The following PUDP variants were observed in gnomAD, a reference collection of about 807,000 sequenced individuals.
PUDP encodes pseudouridine-5'-phosphatase.
A neutral mutation model predicts 9.4 loss-of-function variants in PUDP; 8 were observed. That is an observed-to-expected ratio of 0.85 (90% confidence interval 0.50 to 1.53). The LOEUF (loss-of-function observed/expected upper bound fraction) is 1.53, where lower values mean the gene tolerates loss of function less well. PUDP is among the 40% of genes most tolerant of loss of function. PUDP has a pLI of 0.00. For synonymous variants in PUDP, 99 were observed against 80.7 expected (o/e 1.23, Z -1.22); for missense variants, 188 against 189.7 (o/e 0.99, Z 0.05).
At chrX:6,757,569 T>C (rs1307264224) in intron 3 of PUDP, among the ~76,000 whole-genome samples, 1 of 111,058 alleles carries the variant, frequency 9.0e-6, no homozygotes, top group Non-Finnish European at 1.9e-5. Context: ...GGAGAAACGA[T>C]GAGTGTGATA....
chrX:6,779,382 G>T (rs1393902842), intron 3 of PUDP, among the ~76,000 whole-genome samples: 2 of 111,903 alleles, frequency 1.8e-5, no homozygotes, highest in African/African-American at 6.5e-5. Flanking sequence ...AAACAGAACA[G>T]AAGGTCCCAA....
intron 1 of PUDP, among the ~76,000 whole-genome samples, chrX:6,720,154 G>GTA (rs1264564564): frequency 1.0e-3 from 102 of 99,973 alleles, no homozygotes; most frequent in Non-Finnish European, 1.8e-3. Flanking sequence ...ATATATGTGT[G>GTA]TATATATATG....
At chrX:7,028,199 G>T (rs377586925) in intron 1 of PUDP, among the ~76,000 whole-genome samples, 2 of 109,171 alleles carry the variant, frequency 1.8e-5, no homozygotes, top group East Asian at 5.7e-4. Context: ...TAGTCTTTCT[G>T]TACTACTATA....
Position 6,806,537 on chromosome X carries a change from C to T in PUDP, c.*248-100071G>A, listed in dbSNP as rs969960509. Among the ~76,000 whole-genome samples the T allele has an allele frequency of 8.1e-5, 9 of 111,800 alleles. No homozygotes were observed. The Admixed American group carries it at 8.6e-4, about 11-fold the overall frequency. ...AGAGACAGAGTCTCACCATGTTGCC[C>T]AGGCTGGTCTCCAACTCCTGAACTC... On this transcript the variant is annotated intron_variant and NMD_transcript_variant, in intron 3 of 3. Coordinates refer to the PUDP transcript ENST00000655425.
intron 2 of PUDP, among the ~76,000 whole-genome samples, chrX:7,078,684 C>G (rs1930989794): frequency 8.9e-6 from 1 of 112,100 alleles, no homozygotes; most frequent in Non-Finnish European, 1.9e-5. Context: ...ACAAAACAAT[C>G]AACAGACTCA....
At chrX:6,847,576 C>T (rs1223536918) in intron 3 of PUDP, among the ~76,000 whole-genome samples, 1 of 112,425 alleles carries the variant, frequency 8.9e-6, no homozygotes, top group Non-Finnish European at 1.9e-5. Flanking sequence ...ATATCTGCCA[C>T]TTGGCTATTT....
intron 3 of PUDP, among the ~76,000 whole-genome samples, chrX:7,060,866 G>A (rs1930381758): frequency 8.9e-6 from 1 of 112,181 alleles, no homozygotes; most frequent in South Asian, 3.7e-4. Context: ...AGCTCTGTGA[G>A]GGCACCCTCC....
chrX:6,802,079 A>C (rs1307615308), intron 3 of PUDP, among the ~76,000 whole-genome samples: 1 of 112,152 alleles, frequency 8.9e-6, no homozygotes, highest in Non-Finnish European at 1.9e-5. Flanking sequence ...ATTTACTCCA[A>C]TAGTAACATT....
chrX:7,057,478 G>A, intron 3 of PUDP: 1 of 427,255 alleles, frequency 2.3e-6, no homozygotes, highest in South Asian at 4.2e-5. Flanking sequence ...AAATGGATGG[G>A]ATTAGAGGAA....
intron 1 of PUDP, among the ~76,000 whole-genome samples, chrX:6,988,214 G>A (rs948963125): frequency 1.8e-5 from 2 of 111,687 alleles, no homozygotes; most frequent in African/African-American, 3.3e-5. Context: ...GAAACCCAGC[G>A]AGGTCAGGCT....
intron 3 of PUDP, among the ~76,000 whole-genome samples, chrX:6,954,675 A>T (rs1472877714): frequency 8.9e-6 from 1 of 112,395 alleles, no homozygotes; most frequent in Non-Finnish European, 1.9e-5. Flanking sequence ...GGTTCATTAC[A>T]GCTAAAGGAG....
chrX:7,035,258 T>C (rs1929839003), intron 1 of PUDP, among the ~76,000 whole-genome samples: 1 of 112,030 alleles, frequency 8.9e-6, no homozygotes, highest in South Asian at 3.7e-4. Context: ...AAAATGAATA[T>C]AATGCTATAA....
chrX:6,916,087 T>G (rs985230502), intron 3 of PUDP, among the ~76,000 whole-genome samples: 1 of 110,115 alleles, frequency 9.1e-6, no homozygotes, highest in Non-Finnish European at 1.9e-5. Context: ...GTCACCAAAC[T>G]GGTTATTGTT....
rs767593366 is a variant in PUDP at position 6,787,739 on chromosome X, C to T, written c.*248-81273G>A. Among the ~76,000 whole-genome samples, 145 of 112,174 alleles carry T rather than the reference C, an allele frequency of 1.3e-3. 1 individual carries two copies. Among genetic ancestry groups the T allele is most frequent in the African/African-American group, 4.5e-3 (138 of 30,923 alleles). On this transcript the variant is annotated intron_variant and NMD_transcript_variant, in intron 3 of 3. Transcript: ENST00000655425. ...GTCATTAATTACTTTCTTTTAAATA[C>T]TAATTGACTTTTATACTTGAACTTA... is the stretch of plus-strand genomic sequence containing the variant.
rs1029475717 is a variant in PUDP, at chrX:7,002,807, C to T, written c.205-24464G>A. Among the ~76,000 whole-genome samples the T allele has an allele frequency of 5.5e-5, 6 of 110,003 alleles. 1 individual carries two copies. The highest frequency in any genetic ancestry group is 2.0e-4 in the African/African-American group (6 of 30,040). On this transcript the variant is annotated intron_variant and NMD_transcript_variant, in intron 1 of 3. Transcript: ENST00000655425. ...CCGGAGTGGAATTCCTTTGAGTTCC[C>T]GGACATTCTGGGAACAGGACAGAAC...
intron 3 of PUDP, among the ~76,000 whole-genome samples, chrX:6,771,181 G>C (rs932136416): frequency 1.8e-5 from 2 of 111,757 alleles, no homozygotes; most frequent in African/African-American, 3.3e-5. Flanking sequence ...GAAATGCACA[G>C]AGAGATGACC....
intron 3 of PUDP, among the ~76,000 whole-genome samples, chrX:6,762,909 G>T (rs1925243773): frequency 9.0e-6 from 1 of 111,120 alleles, no homozygotes; most frequent in Non-Finnish European, 1.9e-5. Flanking sequence ...ATAATTTCAG[G>T]TTCTACTTTT....
chrX:7,002,307 C>T lies in PUDP; in HGVS notation c.205-23964G>A, dbSNP rs112254287. On this transcript the variant is annotated intron_variant and NMD_transcript_variant, in intron 1 of 3. Coordinates refer to the PUDP transcript ENST00000655425. Reference sequence around the variant, plus strand: ...GAAATATCAGCTGAGGTGCCCATATCAGCTACCAAGGTAAATGTGGAGGCA... The same window carrying T: ...GAAATATCAGCTGAGGTGCCCATATTAGCTACCAAGGTAAATGTGGAGGCA... Among the ~76,000 whole-genome samples, 197 of 112,166 alleles carry T rather than the reference C, an allele frequency of 1.8e-3. 2 individuals are homozygous for T. Among genetic ancestry groups the T allele is most frequent in the African/African-American group, 6.0e-3 (185 of 30,883 alleles).
chrX:6,827,427 T>C lies in PUDP; in HGVS notation c.*248-120961A>G, dbSNP rs766823120. Among the ~76,000 whole-genome samples the C allele has an allele frequency of 4.5e-5, 5 of 111,656 alleles. No individual in the cohort carries two copies. The East Asian group carries it at 1.4e-3, about 32-fold the overall frequency. ...TTTAAATACCCTCTAGAGGATTCTATTGGTTATTTGGTGTATGCCGTATGT... is the reference window on the plus strand; with the variant it reads ...TTTAAATACCCTCTAGAGGATTCTACTGGTTATTTGGTGTATGCCGTATGT... On this transcript the variant is annotated intron_variant and NMD_transcript_variant, in intron 3 of 3. Coordinates refer to the PUDP transcript ENST00000655425.
Sources: gnomAD v4.1 joint callset for allele counts (sites outside exome capture counted in the v4.1 genomes callset) on GRCh38, gnomAD v4.1.1 for gene constraint, MANE v1.5 for transcripts, NCBI Gene and HGNC (gene_info 2026-07-23, HGNC 2026-07-21) for gene names.